Variants in CSMD1 observed in about 807,000 individuals in gnomAD.
CSMD1 encodes CUB and Sushi multiple domains 1.
CSMD1 carries 213 observed loss-of-function variants against 417.5 expected under a neutral mutation model. The ratio of observed to expected loss-of-function variants is 0.51; its 90% CI spans 0.46 to 0.57. CSMD1 has a LOEUF of 0.57. Among genes scored for constraint, CSMD1 ranks in the 20% least tolerant of loss-of-function variants. The pLI, the probability that CSMD1 is intolerant of heterozygous loss-of-function variation, is 0.00. For missense variants in CSMD1, 6,923 were observed against 4,529.7 expected (o/e 1.53, Z -15.17); for synonymous variants, 2,862 against 1,736.8 (o/e 1.65, Z -16.11).
chr8:3,632,014 G>C (rs922929963), intron 7 of CSMD1, among the ~76,000 whole-genome samples: 16 of 152,028 alleles, frequency 1.1e-4, no homozygotes, highest in African/African-American at 3.4e-4. Context: ...TCTAACCATA[G>C]GTTAACTCAT....
intron 3 of CSMD1, among the ~76,000 whole-genome samples, chr8:4,154,942 A>C (rs2002195): frequency 6.6e-6 from 1 of 151,978 alleles, no homozygotes; most frequent in Non-Finnish European, 1.5e-5. Context: ...CAATAATACA[A>C]AATGTTATAT....
Position 4,486,138 on chromosome 8 carries a change from CAT to C in CSMD1, c.303-66075_303-66074del, listed in dbSNP as rs1563223552. Among the ~76,000 whole-genome samples, 90 of 30,246 alleles carry C rather than the reference CAT, an allele frequency of 3.0e-3. 1 individual carries two copies. The East Asian group carries it at 0.1, about 35-fold the overall frequency. 19.8% of individuals were successfully genotyped at this position (30,246 alleles called of 152,430 possible). ...ATATACATACATATATATATATATA[CAT>C]ACATATATATATATATACATACATA... On this transcript the variant is annotated intron_variant, in intron 2 of 69. Transcript: ENST00000635120.
chr8:4,742,214 TA>T (rs1379456460), intron 1 of CSMD1, among the ~76,000 whole-genome samples: 6 of 151,130 alleles, frequency 4.0e-5, no homozygotes, highest in African/African-American at 1.5e-4. Context: ...GTATTTTTAG[TA>T]GAGACGGGGT....
chr8:4,644,300 C>T (rs895044846), intron 1 of CSMD1, among the ~76,000 whole-genome samples: 11 of 152,138 alleles, frequency 7.2e-5, no homozygotes, highest in Non-Finnish European at 1.0e-4. Context: ...ATGAGCTTTG[C>T]CCAGATTTTT....
intron 2 of CSMD1, among the ~76,000 whole-genome samples, chr8:4,446,537 A>C (rs911994017): frequency 2.0e-5 from 3 of 151,818 alleles, no homozygotes; most frequent in Non-Finnish European, 4.4e-5. Context: ...GCAGAATGAG[A>C]CCCCGGTTCT....
chr8:3,581,476 C>T lies in CSMD1; in HGVS notation c.1222+4660G>A, dbSNP rs1478578935. Among the ~76,000 whole-genome samples the T allele has an allele frequency of 2.6e-5, 4 of 152,190 alleles. No homozygotes were observed. In the East Asian group the frequency reaches 7.7e-4, roughly 29 times the overall value. On this transcript the variant is annotated intron_variant, in intron 9 of 69. Transcript: ENST00000635120. The stretch of plus-strand genomic sequence containing the variant: ...TAATGTAAGCATTGGCTAACCACAC[C>T]AGCCTCCAGATGGAAGGATCACTTC...
chr8:3,753,511 G>C (rs757763019), intron 6 of CSMD1, among the ~76,000 whole-genome samples: 4 of 152,294 alleles, frequency 2.6e-5, no homozygotes, highest in Non-Finnish European at 4.4e-5. Context: ...CATTTATGTG[G>C]TGTGAAGACC....
chr8:4,002,669 A>T (rs1303844597), intron 4 of CSMD1, among the ~76,000 whole-genome samples: 6 of 152,224 alleles, frequency 3.9e-5, no homozygotes, highest in African/African-American at 1.4e-4. Context: ...GCTGACAGAA[A>T]TGGGAACCAT....
chr8:4,288,269 T>C (rs1197540257), intron 3 of CSMD1, among the ~76,000 whole-genome samples: 1 of 152,148 alleles, frequency 6.6e-6, no homozygotes, highest in Non-Finnish European at 1.5e-5. Flanking sequence ...ATGCCCCCAC[T>C]GGGAACAGTA....
At position 3,219,462 on chromosome 8, in the gene CSMD1, T is replaced by C. The variant is rs760478754; in HGVS notation, c.4485-20A>G. 7.7e-6 allele frequency: 11 copies of C among 1,422,832 alleles called. No individual in the cohort carries two copies. The highest frequency in any genetic ancestry group is 2.6e-5 in the East Asian group (1 of 37,794). The allele number at this position is 1,422,832 out of a possible 1,614,324, so 88.1% of individuals were successfully genotyped here. ...TTGAAACTAAAGAAAAGAATAGTAA[T>C]TATGTCATACGGCTAACAGATATTT... On this transcript the variant is annotated intron_variant, in intron 28 of 69. Transcript: ENST00000635120.
chr8:4,810,019 T>A (rs893571958), intron 1 of CSMD1, among the ~76,000 whole-genome samples: 1 of 152,218 alleles, frequency 6.6e-6, no homozygotes, highest in African/African-American at 2.4e-5. Context: ...GCCAAGTGCT[T>A]AGAATGAGGG....
At chr8:4,520,139 A>G (rs1243821017) in intron 2 of CSMD1, among the ~76,000 whole-genome samples, 3 of 152,154 alleles carry the variant, frequency 2.0e-5, no homozygotes, top group African/African-American at 2.4e-5. Context: ...GAAAGAGCAA[A>G]GTGGTAGAGC....
chr8:2,973,707 A>G (rs945614937), intron 56 of CSMD1, among the ~76,000 whole-genome samples: 1 of 152,068 alleles, frequency 6.6e-6, no homozygotes, highest in African/African-American at 2.4e-5. Flanking sequence ...GCTCTTCAGA[A>G]TTGTGTCCAG....
intron 42 of CSMD1, among the ~76,000 whole-genome samples, chr8:3,112,740 G>C (rs554888848): frequency 5.3e-5 from 8 of 152,128 alleles, no homozygotes; most frequent in Non-Finnish European, 1.2e-4. Context: ...AAACACTACA[G>C]AAGTTTAAAA....
intron 3 of CSMD1, among the ~76,000 whole-genome samples, chr8:4,322,842 C>G (rs1313313221): frequency 6.6e-6 from 1 of 152,042 alleles, no homozygotes; most frequent in Admixed American, 6.6e-5. Context: ...TACAAACACA[C>G]AAAAATTAGC....
chr8:4,539,558 C>A (rs751724114), intron 2 of CSMD1, among the ~76,000 whole-genome samples: 9 of 152,160 alleles, frequency 5.9e-5, no homozygotes, highest in Non-Finnish European at 1.3e-4. Context: ...AAACTTCCAA[C>A]ATTTTTCTCA....
intron 33 of CSMD1, among the ~76,000 whole-genome samples, chr8:3,198,266 C>T (rs1328588507): frequency 1.3e-5 from 2 of 152,194 alleles, no homozygotes; most frequent in Non-Finnish European, 2.9e-5. Flanking sequence ...CTTATAAAGG[C>T]AGACAAGGTC....
chr8:4,598,479 G>A (rs1395512856), intron 2 of CSMD1, among the ~76,000 whole-genome samples: 1 of 152,140 alleles, frequency 6.6e-6, no homozygotes. Context: ...GGTGGCTGAT[G>A]GATGACCACA....
intron 5 of CSMD1, among the ~76,000 whole-genome samples, chr8:3,850,171 G>T (rs1286098688): frequency 2.0e-5 from 3 of 152,212 alleles, no homozygotes; most frequent in Non-Finnish European, 4.4e-5. Flanking sequence ...TCAAGTGTCT[G>T]CTGTATAGGC....
Sources: allele counts gnomAD v4.1 joint callset (sites outside exome capture counted in the v4.1 genomes callset), GRCh38; gene constraint gnomAD v4.1.1; transcripts MANE v1.5; gene names NCBI Gene and HGNC (gene_info 2026-07-23, HGNC 2026-07-21).